MME: variants seen among roughly 807,000 people sequenced by gnomAD.
MME encodes the protein neprilysin.
MME carries 98 observed loss-of-function variants against 113.2 expected under a neutral mutation model. The observed-to-expected ratio is 0.87, with a 90% CI of 0.74 to 1.02. MME has a LOEUF of 1.02. Among genes scored for constraint, MME ranks in the 50% least tolerant of loss-of-function variants. MME has a pLI of 0.00. For missense variants in MME, 836 were observed against 896.0 expected (o/e 0.93, Z 0.86); for synonymous variants, 292 against 300.6 (o/e 0.97, Z 0.30).
chr3:155,112,614 T>G (rs1267078773), intron 3 of MME: 2 of 152,160 alleles, frequency 1.3e-5, no homozygotes, highest in African/African-American at 4.8e-5. Flanking sequence ...AGAATGGACA[T>G]AGGTAAGAAG....
intron 1 of MME, among the ~76,000 whole-genome samples, chr3:155,058,830 TGAA>T (rs1231184330): frequency 2.6e-5 from 4 of 152,228 alleles, no homozygotes; most frequent in South Asian, 2.1e-4. Flanking sequence ...AACTGCTTCA[TGAA>T]GAAGAAGAAT....
At chr3:155,032,469 A>G (rs1252517111) in intron 1 of MME, among the ~76,000 whole-genome samples, 3 of 152,236 alleles carry the variant, frequency 2.0e-5, no homozygotes, top group Non-Finnish European at 4.4e-5. Flanking sequence ...AAAATAACCA[A>G]TGAAACTCCT....
At chr3:155,153,763 A>G (rs1722119399) in intron 16 of MME, among the ~76,000 whole-genome samples, 1 of 152,204 alleles carries the variant, frequency 6.6e-6, no homozygotes, top group African/African-American at 2.4e-5. Context: ...CATCAAAATG[A>G]AAGCATACTG....
chr3:155,044,125 C>CTTTTTTTT (rs5853709), intron 1 of MME, among the ~76,000 whole-genome samples: 453 of 89,140 alleles, frequency 5.1e-3, no homozygotes, highest in Middle Eastern at 0.011. Flanking sequence ...CTTCCTTTTT[C>CTTTTTTTT]TTTTTTTTTT....
chr3:155,161,873 C>T (rs1054329100), intron 17 of MME, among the ~76,000 whole-genome samples: 1 of 152,112 alleles, frequency 6.6e-6, no homozygotes, highest in African/African-American at 2.4e-5. Context: ...TCCTCAGAAC[C>T]TTTGCAGTCA....
At position 155,133,058 on chromosome 3, in the gene MME, AAAAAAT is replaced by A. The variant is rs1259691053; in HGVS notation, c.721-5042_721-5037del. On this transcript the variant is annotated intron_variant, in intron 8 of 22. Coordinates refer to ENST00000360490, the MANE Select transcript of MME (RefSeq NM_007289.4). Reference sequence around the variant, plus strand: ...CCCGTCTAAAAAAAAAAAAAAAAAAAAAAAATATATATATATATATATGTATAAAGT... The same window carrying A: ...CCCGTCTAAAAAAAAAAAAAAAAAAAATATATATATATATATGTATAAAGT... Among the ~76,000 whole-genome samples, 6 of 84,236 alleles carry A rather than the reference AAAAAAT, an allele frequency of 7.1e-5. No homozygotes were observed. In the South Asian group the frequency reaches 1.2e-3, roughly 17 times the overall value. The allele number at this position is 84,236 out of a possible 152,430, so 55.3% of individuals were successfully genotyped here.
At chr3:155,055,627 C>A (rs1295126832) in intron 1 of MME, among the ~76,000 whole-genome samples, 1 of 151,732 alleles carries the variant, frequency 6.6e-6, no homozygotes, top group Non-Finnish European at 1.5e-5. Flanking sequence ...TATAATTCCA[C>A]CATTTACATA....
intron 3 of MME, chr3:155,085,411 C>T (rs1715600560): frequency 5.1e-6 from 1 of 197,382 alleles, no homozygotes; most frequent in Non-Finnish European, 1.0e-5. Flanking sequence ...AGTTTCGTAT[C>T]ATTGTGTTAA....
chr3:155,137,097 A>G (rs887591860), intron 8 of MME, among the ~76,000 whole-genome samples: 4 of 152,244 alleles, frequency 2.6e-5, no homozygotes, highest in Non-Finnish European at 4.4e-5. Flanking sequence ...TAATACAACT[A>G]TTCTATAGTT....
intron 1 of MME, among the ~76,000 whole-genome samples, chr3:155,041,542 A>G (rs1196807391): frequency 6.6e-6 from 1 of 152,210 alleles, no homozygotes; most frequent in Non-Finnish European, 1.5e-5. Context: ...CATAAGATTA[A>G]TAAAGCTAAT....
intron 9 of MME, 147 bp downstream of exon 9, chr3:155,138,383 A>C: frequency 1.3e-6 from 1 of 773,066 alleles, no homozygotes; most frequent in Non-Finnish European, 2.1e-6. Context: ...TTGACTTCAA[A>C]AGGACCTTTG....
At chr3:155,027,022 G>T (rs1400262610) in intron 1 of MME, among the ~76,000 whole-genome samples, 4 of 152,130 alleles carry the variant, frequency 2.6e-5, no homozygotes, top group Non-Finnish European at 5.9e-5. Context: ...TTTAGCCTGG[G>T]TATTTTGCAA....
chr3:155,079,473 G>A (rs1714918131), upstream of MME, among the ~76,000 whole-genome samples: 1 of 152,056 alleles, frequency 6.6e-6, no homozygotes, highest in Non-Finnish European at 1.5e-5. Context: ...GATGGGGGGT[G>A]GGGAGGATGG....
chr3:155,084,088 A>G, intron 1 of MME, 70 bp from the exon 2 acceptor site: 1 of 1,296,188 alleles, frequency 7.7e-7, no homozygotes, highest in South Asian at 1.2e-5. Context: ...TTATCCAGCC[A>G]CATTAAGCAT....
intron 9 of MME, among the ~76,000 whole-genome samples, chr3:155,139,006 T>C (rs1411449588): frequency 6.6e-6 from 1 of 152,110 alleles, no homozygotes; most frequent in African/African-American, 2.4e-5. Flanking sequence ...CCCTGCCATC[T>C]AAGCTCATCA....
intron 3 of MME, among the ~76,000 whole-genome samples, chr3:155,109,466 ATT>A (rs979203978): frequency 8.5e-5 from 13 of 152,312 alleles, no homozygotes; most frequent in Non-Finnish European, 1.8e-4. Context: ...TTACCAGCCA[ATT>A]ATAAGGGACT....
intron 12 of MME, 69 bp downstream of exon 12, chr3:155,142,399 A>G (rs1721181782): frequency 1.6e-6 from 2 of 1,268,978 alleles, no homozygotes; most frequent in Non-Finnish European, 1.1e-6. Context: ...AAGGCTTACC[A>G]TGTACACTGC....
At chr3:155,069,285 A>G (rs1714477444) in intron 1 of MME, among the ~76,000 whole-genome samples, 1 of 152,224 alleles carries the variant, frequency 6.6e-6, no homozygotes. Context: ...GGAGGGAGAG[A>G]CCAGTACAAT....
In MME at chr3:155,183,035, G is replaced by A. The variant is rs1012320759; in HGVS notation, c.*2576G>A. 6.6e-6 allele frequency: 1 copy of A among 152,222 alleles called. No individual in the cohort carries two copies. Among genetic ancestry groups the A allele is most frequent in the Non-Finnish European group, 1.5e-5 (1 of 68,062 alleles). The allele number at this position is 152,222 out of a possible 1,614,324, so 9.4% of individuals were successfully genotyped here. The stretch of plus-strand genomic sequence containing the variant: ...CTGGTCAAAGAAAGAAAGTTTAGAA[G>A]CTGAGACACAAAGGGTTGGGAGCTG... On this transcript the variant is annotated 3_prime_UTR_variant, in exon 23 of 23. Coordinates refer to ENST00000360490, the MANE Select transcript of MME (RefSeq NM_007289.4).
Sources: gnomAD v4.1 joint callset for allele counts (sites outside exome capture counted in the v4.1 genomes callset) on GRCh38, gnomAD v4.1.1 for gene constraint, MANE v1.5 for transcripts, NCBI Gene and HGNC (gene_info 2026-07-23, HGNC 2026-07-21) for gene names.